The following MAGI2 variants were observed in gnomAD, a reference collection of about 807,000 sequenced individuals.
MAGI2 encodes the protein membrane associated guanylate kinase, WW and PDZ domain containing 2.
Under a neutral mutation model 133.3 loss-of-function variants are expected in MAGI2, and 35 were observed. The ratio of observed to expected loss-of-function variants is 0.26; its 90% CI spans 0.20 to 0.35. The LOEUF (loss-of-function observed/expected upper bound fraction) is 0.35, where lower values mean the gene tolerates loss of function less well. Among genes scored for constraint, MAGI2 ranks in the 10% least tolerant of loss-of-function variants. The probability of loss-of-function intolerance (pLI) is 1.00; values close to 1 mark genes in which losing one functional copy is unlikely to be tolerated. For missense variants in MAGI2, 1,636 were observed against 1,863.4 expected (o/e 0.88, Z 2.25); for synonymous variants, 729 against 710.6 (o/e 1.03, Z -0.41).
At chr7:78,536,422 C>G (rs1797935353) in intron 3 of MAGI2, among the ~76,000 whole-genome samples, 1 of 152,034 alleles carries the variant, frequency 6.6e-6, no homozygotes, top group Non-Finnish European at 1.5e-5. Context: ...GAATTAAACT[C>G]TTTATGGTGA....
At chr7:78,600,873 T>G (rs964888893) in intron 3 of MAGI2, among the ~76,000 whole-genome samples, 1 of 152,164 alleles carries the variant, frequency 6.6e-6, no homozygotes, top group African/African-American at 2.4e-5. Context: ...AAATGTGAAC[T>G]GTATTTCAGA....
At chr7:79,253,035 G>A (rs1303840033) in intron 1 of MAGI2, among the ~76,000 whole-genome samples, 1 of 152,008 alleles carries the variant, frequency 6.6e-6, no homozygotes, top group African/African-American at 2.4e-5. Context: ...AAAATAAAAG[G>A]CATTGAGTTC....
intron 1 of MAGI2, among the ~76,000 whole-genome samples, chr7:79,016,369 T>C (rs533058367): frequency 6.6e-6 from 1 of 152,248 alleles, no homozygotes; most frequent in Admixed American, 6.5e-5. Context: ...CTAGGCCTGA[T>C]TGCAGTGCAG....
chr7:79,212,600 G>T (rs1315274820), intron 1 of MAGI2, among the ~76,000 whole-genome samples: 1 of 152,060 alleles, frequency 6.6e-6, no homozygotes, highest in East Asian at 1.9e-4. Context: ...GTCTGATGCA[G>T]CAGTAAAACT....
chr7:78,364,121 C>CCATA (rs1436299581), intron 7 of MAGI2, among the ~76,000 whole-genome samples: 1 of 152,112 alleles, frequency 6.6e-6, no homozygotes, highest in Non-Finnish European at 1.5e-5. Context: ...ACTCTGCAGC[C>CCATA]CATACTTTTG....
intron 3 of MAGI2, among the ~76,000 whole-genome samples, chr7:78,528,059 C>A (rs906236450): frequency 3.3e-5 from 5 of 152,164 alleles, no homozygotes. Context: ...GAGATGATTG[C>A]CTGCAGGACC....
intron 1 of MAGI2, among the ~76,000 whole-genome samples, chr7:79,127,409 C>T (rs2129545069): frequency 6.6e-6 from 1 of 152,166 alleles, no homozygotes. Context: ...AGTTTACAGT[C>T]CCACCAACAG....
intron 2 of MAGI2, among the ~76,000 whole-genome samples, chr7:78,756,818 A>G (rs1383511869): frequency 6.6e-6 from 1 of 152,040 alleles, no homozygotes; most frequent in African/African-American, 2.4e-5. Context: ...ACTTTAACGT[A>G]TTCACCTTTA....
intron 1 of MAGI2, among the ~76,000 whole-genome samples, chr7:79,140,432 G>C (rs1482652434): frequency 1.3e-5 from 2 of 151,994 alleles, no homozygotes; most frequent in Non-Finnish European, 2.9e-5. Context: ...CAGAAATGTT[G>C]TTTCTCTCCT....
At chr7:78,890,485 G>C (rs1796650129) in intron 2 of MAGI2, among the ~76,000 whole-genome samples, 1 of 151,608 alleles carries the variant, frequency 6.6e-6, no homozygotes, top group Admixed American at 6.6e-5. Flanking sequence ...AAGTAAAGCA[G>C]TCCTCAGCAA....
intron 21 of MAGI2, among the ~76,000 whole-genome samples, chr7:78,053,183 G>C (rs1812196541): frequency 6.6e-6 from 1 of 152,222 alleles, no homozygotes; most frequent in South Asian, 2.1e-4. Context: ...GAGCCCATTA[G>C]AGCATCATTT....
chr7:78,066,747 T>C (rs951096819), intron 21 of MAGI2, among the ~76,000 whole-genome samples: 1 of 152,194 alleles, frequency 6.6e-6, no homozygotes, highest in Non-Finnish European at 1.5e-5. Context: ...AACAACTGCT[T>C]CCTGCACTGC....
In MAGI2 at chr7:78,732,235, G is replaced by C. The variant is rs17451557; in HGVS notation, c.419-104996C>G. 3.1e-3 allele frequency among the ~76,000 whole-genome samples: 474 copies of C among 152,220 alleles called. 2 individuals carry two copies. Among genetic ancestry groups the C allele is most frequent in the Middle Eastern group, 0.01 (3 of 294 alleles). ...CTTCTGTTTATCTCCCAAGAATTCAGCTTGCCTGAGTGAGAATGGCCTATA... is the reference window on the plus strand; with the variant it reads ...CTTCTGTTTATCTCCCAAGAATTCACCTTGCCTGAGTGAGAATGGCCTATA... On this transcript the variant is annotated intron_variant, in intron 2 of 21. Coordinates refer to ENST00000354212, the MANE Select transcript of MAGI2 (RefSeq NM_012301.4).
intron 2 of MAGI2, among the ~76,000 whole-genome samples, chr7:78,823,813 C>T (rs190147637): frequency 3.3e-5 from 5 of 152,058 alleles, no homozygotes; most frequent in African/African-American, 1.2e-4. Context: ...GCAATCAAGT[C>T]CAATTGGTGC....
intron 2 of MAGI2, among the ~76,000 whole-genome samples, chr7:78,802,416 C>T (rs77245081): frequency 0.013 from 2,006 of 152,220 alleles, 49 homozygotes; most frequent in Admixed American, 0.052. Context: ...AGCCATGTAT[C>T]TGGCTTTTTA....
At chr7:79,029,004 T>C (rs1810302333) in intron 1 of MAGI2, among the ~76,000 whole-genome samples, 1 of 152,200 alleles carries the variant, frequency 6.6e-6, no homozygotes, top group Non-Finnish European at 1.5e-5. Flanking sequence ...ATATTTTAAA[T>C]AGTCTATTTC....
At chr7:78,406,641 A>G (rs1338987407) in intron 6 of MAGI2, among the ~76,000 whole-genome samples, 1 of 152,068 alleles carries the variant, frequency 6.6e-6, no homozygotes, top group Non-Finnish European at 1.5e-5. Flanking sequence ...ATCAGTTAGC[A>G]TTCCTTGCAT....
chr7:79,357,328 A>T (rs1842087449), intron 1 of MAGI2, among the ~76,000 whole-genome samples: 1 of 152,124 alleles, frequency 6.6e-6, no homozygotes, highest in Non-Finnish European at 1.5e-5. Flanking sequence ...TGAACCAGGC[A>T]TCTTATGCAG....
At chr7:78,920,759 C>A (rs1799163572) in intron 2 of MAGI2, among the ~76,000 whole-genome samples, 1 of 152,142 alleles carries the variant, frequency 6.6e-6, no homozygotes, top group African/African-American at 2.4e-5. Flanking sequence ...TTACTTGCCT[C>A]TTCATACCCA....
Sources: gnomAD v4.1 joint callset for allele counts (sites outside exome capture counted in the v4.1 genomes callset) on GRCh38, gnomAD v4.1.1 for gene constraint, MANE v1.5 for transcripts, NCBI Gene and HGNC (gene_info 2026-07-23, HGNC 2026-07-21) for gene names.